IL1RAPL2: variants seen among roughly 807,000 people sequenced by gnomAD.
IL1RAPL2 encodes interleukin 1 receptor accessory protein like 2.
IL1RAPL2 carries 3 observed loss-of-function variants against 44.1 expected under a neutral mutation model. The ratio of observed to expected loss-of-function variants is 0.07; its 90% CI spans 0.03 to 0.18. IL1RAPL2 has a LOEUF of 0.18. IL1RAPL2 is among the 10% of genes least tolerant of loss of function. The pLI, the probability that IL1RAPL2 is intolerant of heterozygous loss-of-function variation, is 1.00. For missense variants in IL1RAPL2, 391 were observed against 496.4 expected, an observed-to-expected ratio of 0.79 and a Z score of 2.02; for synonymous variants, 181 against 178.8, an observed-to-expected ratio of 1.01 and a Z score of -0.10.
At chrX:104,871,879 A>G (rs1300723621) in intron 2 of IL1RAPL2, among the ~76,000 whole-genome samples, 1 of 112,009 alleles carries the variant, frequency 8.9e-6, no homozygotes, top group Non-Finnish European at 1.9e-5. Flanking sequence ...TTAGATTTAT[A>G]ATCTCAATTA....
At chrX:105,134,677 A>G (rs1479454644) in intron 2 of IL1RAPL2, among the ~76,000 whole-genome samples, 1 of 111,581 alleles carries the variant, frequency 9.0e-6, no homozygotes, top group Non-Finnish European at 1.9e-5. Flanking sequence ...ACTCTATAAT[A>G]AGGACTATAT....
intron 2 of IL1RAPL2, among the ~76,000 whole-genome samples, chrX:104,945,807 T>A (rs1240581719): frequency 4.5e-5 from 5 of 111,982 alleles, no homozygotes; most frequent in African/African-American, 1.6e-4. Flanking sequence ...CTTTCTTTGA[T>A]GTGATTCAGT....
chrX:104,983,975 G>T (rs1314908351), intron 2 of IL1RAPL2, among the ~76,000 whole-genome samples: 1 of 110,089 alleles, frequency 9.1e-6, no homozygotes, highest in Non-Finnish European at 1.9e-5. Context: ...CATTATAAAA[G>T]TTACACCAAC....
chrX:104,570,677 T>G (rs1292669073), intron 1 of IL1RAPL2, among the ~76,000 whole-genome samples: 1 of 112,293 alleles, frequency 8.9e-6, no homozygotes, highest in Non-Finnish European at 1.9e-5. Flanking sequence ...GGCAGTTTCT[T>G]TTGGGCTTCC....
At chrX:104,963,256 A>G (rs1417635563) in intron 2 of IL1RAPL2, among the ~76,000 whole-genome samples, 8 of 112,090 alleles carry the variant, frequency 7.1e-5, no homozygotes, top group African/African-American at 2.6e-4. Context: ...TATTGTCTCC[A>G]CATTATTTTA....
intron 2 of IL1RAPL2, among the ~76,000 whole-genome samples, chrX:104,783,678 G>A (rs760864902): frequency 4.5e-4 from 49 of 107,994 alleles, no homozygotes; most frequent in African/African-American, 1.4e-3. Flanking sequence ...TATTTCTACC[G>A]GAATTTCCAC....
chrX:105,471,420 T>C (rs777725186), intron 5 of IL1RAPL2, among the ~76,000 whole-genome samples: 5 of 111,595 alleles, frequency 4.5e-5, no homozygotes, highest in Admixed American at 1.9e-4. Flanking sequence ...TATAAAATAA[T>C]AAACATAAGC....
chrX:104,910,763 C>G (rs764531258), intron 2 of IL1RAPL2, among the ~76,000 whole-genome samples: 147 of 111,952 alleles, frequency 1.3e-3, no homozygotes, highest in Non-Finnish European at 2.5e-3. Flanking sequence ...ACGTGCACAC[C>G]TAATTCATGA....
At chrX:105,624,133 TAAAAGA>T (rs2037438031) in intron 6 of IL1RAPL2, among the ~76,000 whole-genome samples, 1 of 111,150 alleles carries the variant, frequency 9.0e-6, no homozygotes. Flanking sequence ...GTCAAGGACC[TAAAAGA>T]AAAAGAAGGC....
intron 6 of IL1RAPL2, among the ~76,000 whole-genome samples, chrX:105,489,748 TTCTTTCTTTC>T (rs1194915444): frequency 8.1e-5 from 8 of 98,704 alleles, no homozygotes; most frequent in East Asian, 6.2e-4. Context: ...CTCTCTCTCT[TTCTTTCTTTC>T]TCTTTCTTTC....
chrX:105,157,744 T>C (rs1179410982), intron 2 of IL1RAPL2, among the ~76,000 whole-genome samples: 4 of 112,366 alleles, frequency 3.6e-5, no homozygotes, highest in African/African-American at 3.2e-5. Context: ...AATCAAAAAG[T>C]ATTATTTCTT....
intron 2 of IL1RAPL2, among the ~76,000 whole-genome samples, chrX:104,889,247 G>T (rs1002910013): frequency 3.6e-5 from 4 of 111,271 alleles, no homozygotes; most frequent in African/African-American, 1.3e-4. Context: ...CACCACTAGT[G>T]AATGCCTGCT....
At chrX:104,725,496 A>C (rs752090332) in intron 2 of IL1RAPL2, among the ~76,000 whole-genome samples, 10 of 111,898 alleles carry the variant, frequency 8.9e-5, no homozygotes, top group Non-Finnish European at 1.5e-4. Flanking sequence ...TTACACTCCC[A>C]CCAACAGTGT....
intron 2 of IL1RAPL2, among the ~76,000 whole-genome samples, chrX:104,661,218 C>G (rs1412245483): frequency 2.7e-5 from 3 of 111,358 alleles, no homozygotes; most frequent in African/African-American, 9.8e-5. Flanking sequence ...CTCTGCTTCT[C>G]CTTCCCTTTA....
chrX:105,749,004 TTCC>T lies in IL1RAPL2; in HGVS notation c.1101_1103del (p.Leu368del). 1 of 1,208,985 alleles carries T rather than the reference TTCC, an allele frequency of 8.3e-7. No homozygotes were observed. The highest frequency in any genetic ancestry group is 1.1e-6 in the Non-Finnish European group (1 of 893,144). ...GCTTGCAGGGGGCCTGGGAGCAATC[TTCC>T]TCCTCCTTGTACTGCTGGTGGTCAT... On this transcript the variant is annotated inframe_deletion, in exon 9 of 11. Coordinates refer to ENST00000372582, the MANE Select transcript of IL1RAPL2 (RefSeq NM_017416.2).
At chrX:105,399,462 A>G (rs1360944628) in intron 5 of IL1RAPL2, among the ~76,000 whole-genome samples, 1 of 110,784 alleles carries the variant, frequency 9.0e-6, no homozygotes, top group Non-Finnish European at 1.9e-5. Context: ...GCTTCTCTCT[A>G]TCATAGAACT....
At chrX:104,836,660 A>G (rs1283893075) in intron 2 of IL1RAPL2, among the ~76,000 whole-genome samples, 1 of 111,751 alleles carries the variant, frequency 8.9e-6, no homozygotes, top group African/African-American at 3.3e-5. Flanking sequence ...TATTGATTCT[A>G]TTATTATTTA....
At chrX:105,569,081 G>A (rs1055449666) in intron 6 of IL1RAPL2, among the ~76,000 whole-genome samples, 15 of 111,223 alleles carry the variant, frequency 1.3e-4, no homozygotes, top group African/African-American at 1.6e-4. Flanking sequence ...TACGAATGCC[G>A]TCCCAAATCT....
In IL1RAPL2 at chrX:105,001,217, C is replaced by T. The variant is rs140219176; in HGVS notation, c.83-194258C>T. On this transcript the variant is annotated intron_variant, in intron 2 of 10. Coordinates refer to ENST00000372582, the MANE Select transcript of IL1RAPL2 (RefSeq NM_017416.2). ...CCATAGCATTTGGTCCTATTGACCC[C>T]TTAAGATGTCTTACGTTGCCTAATG... 3.2e-3 allele frequency among the ~76,000 whole-genome samples: 360 copies of T among 111,592 alleles called. 1 individual carries two copies. Among genetic ancestry groups the T allele is most frequent in the African/African-American group, 0.012 (354 of 30,762 alleles).
Sources: gnomAD v4.1 joint callset for allele counts (sites outside exome capture counted in the v4.1 genomes callset) on GRCh38, gnomAD v4.1.1 for gene constraint, MANE v1.5 for transcripts, NCBI Gene and HGNC (gene_info 2026-07-23, HGNC 2026-07-21) for gene names.